The following GALNTL6 variants were observed in gnomAD, a reference collection of about 807,000 sequenced individuals.
The protein encoded by GALNTL6 is polypeptide N-acetylgalactosaminyltransferase-like 6.
In GALNTL6, 46 loss-of-function variants were observed where a neutral mutation model predicts 73.7. The observed-to-expected ratio is 0.62, with a 90% CI of 0.49 to 0.80. The LOEUF (loss-of-function observed/expected upper bound fraction) is 0.80. Among genes scored for constraint, GALNTL6 ranks in the 30% least tolerant of loss-of-function variants. The pLI, the probability that GALNTL6 is intolerant of heterozygous loss-of-function variation, is 0.00. For synonymous variants in GALNTL6, 259 were observed against 263.7 expected (o/e 0.98, Z 0.17); for missense variants, 604 against 755.0 (o/e 0.80, Z 2.34).
chr4:172,298,231 C>T (rs537210135), intron 3 of GALNTL6, among the ~76,000 whole-genome samples: 102 of 152,224 alleles, frequency 6.7e-4, no homozygotes, highest in African/African-American at 2.3e-3. Context: ...TGATGTTGCT[C>T]ATCAGCTTAA....
chr4:172,995,196 A>G (rs79026248), intron 10 of GALNTL6, among the ~76,000 whole-genome samples: 7,281 of 152,300 alleles, frequency 0.048, 261 homozygotes, highest in African/African-American at 0.092. Context: ...ATAGCACTCT[A>G]GAAAAAAAAT....
At chr4:172,626,371 T>C (rs962942845) in intron 5 of GALNTL6, among the ~76,000 whole-genome samples, 6 of 152,042 alleles carry the variant, frequency 3.9e-5, no homozygotes, top group African/African-American at 1.4e-4. Context: ...GTCTCATTGG[T>C]CTGTGTGTCT....
At chr4:172,463,787 T>G (rs1164351951) in intron 5 of GALNTL6, among the ~76,000 whole-genome samples, 2 of 152,212 alleles carry the variant, frequency 1.3e-5, no homozygotes. Context: ...ACCCTTTTCA[T>G]ATGCAAGCAA....
intron 7 of GALNTL6, among the ~76,000 whole-genome samples, chr4:172,864,877 G>T (rs1225807623): frequency 6.6e-6 from 1 of 152,028 alleles, no homozygotes; most frequent in Non-Finnish European, 1.5e-5. Flanking sequence ...ATTTTGGAAG[G>T]GGACAGGTGT....
At chr4:172,105,555 A>G (rs1732652489) in intron 2 of GALNTL6, among the ~76,000 whole-genome samples, 1 of 152,078 alleles carries the variant, frequency 6.6e-6, no homozygotes, top group African/African-American at 2.4e-5. Flanking sequence ...TTATGGTGAA[A>G]TTGCATTGCA....
intron 5 of GALNTL6, among the ~76,000 whole-genome samples, chr4:172,477,565 G>C (rs1385154976): frequency 2.0e-5 from 3 of 152,138 alleles, no homozygotes; most frequent in Non-Finnish European, 4.4e-5. Context: ...CACATGGTAA[G>C]ATGGTAAAAG....
intron 7 of GALNTL6, among the ~76,000 whole-genome samples, chr4:172,817,814 C>T (rs1349332332): frequency 6.6e-6 from 1 of 152,154 alleles, no homozygotes; most frequent in Non-Finnish European, 1.5e-5. Flanking sequence ...AAATTTCCTA[C>T]CTCAAAAGAT....
At chr4:172,286,704 TG>T (rs370544404) in intron 3 of GALNTL6, among the ~76,000 whole-genome samples, 5 of 152,152 alleles carry the variant, frequency 3.3e-5, no homozygotes, top group African/African-American at 9.6e-5. Context: ...CGATGGTGGT[TG>T]GGGGAGGACG....
chr4:172,729,912 A>T (rs985746264), intron 5 of GALNTL6, among the ~76,000 whole-genome samples: 2 of 151,866 alleles, frequency 1.3e-5, no homozygotes, highest in African/African-American at 4.8e-5. Flanking sequence ...TTCTTTTATC[A>T]GTATTTTGTA....
chr4:172,229,828 A>T (rs1736992641), intron 3 of GALNTL6, 64 bp downstream of exon 3: 1 of 946,644 alleles, frequency 1.1e-6, no homozygotes. Context: ...TTGTCACGTA[A>T]AGGATCTCTA....
intron 5 of GALNTL6, among the ~76,000 whole-genome samples, chr4:172,773,273 T>G (rs1413339187): frequency 6.6e-6 from 1 of 152,082 alleles, no homozygotes; most frequent in Non-Finnish European, 1.5e-5. Flanking sequence ...GATCATAGCG[T>G]CCTGCAGACT....
At chr4:172,283,541 G>A (rs1739137090) in intron 3 of GALNTL6, among the ~76,000 whole-genome samples, 1 of 152,090 alleles carries the variant, frequency 6.6e-6, no homozygotes, top group African/African-American at 2.4e-5. Context: ...ACAGAAGGAT[G>A]CTAAATTAGT....
At chr4:171,822,671 A>C (rs532683956) in intron 2 of GALNTL6, among the ~76,000 whole-genome samples, 6 of 152,292 alleles carry the variant, frequency 3.9e-5, no homozygotes, top group Admixed American at 1.3e-4. Context: ...TTTTTCTTTT[A>C]TTGTTGATAC....
At chr4:173,015,321 AACAG>A (rs1308590572) in intron 11 of GALNTL6, among the ~76,000 whole-genome samples, 1 of 152,226 alleles carries the variant, frequency 6.6e-6, no homozygotes, top group East Asian at 1.9e-4. Flanking sequence ...GGAACTGGGT[AACAG>A]ACAGAGGTTG....
intron 5 of GALNTL6, among the ~76,000 whole-genome samples, chr4:172,521,636 A>G (rs1205122586): frequency 1.2e-4 from 18 of 152,198 alleles, no homozygotes; most frequent in Admixed American, 1.2e-3. Flanking sequence ...GGATAATATC[A>G]TGTAATTTTA....
intron 5 of GALNTL6, among the ~76,000 whole-genome samples, chr4:172,350,322 A>T (rs1741899024): frequency 6.6e-6 from 1 of 152,184 alleles, no homozygotes; most frequent in South Asian, 2.1e-4. Context: ...TATTTCTCAG[A>T]GGTATTTTTC....
intron 5 of GALNTL6, among the ~76,000 whole-genome samples, chr4:172,365,791 T>G (rs1182340109): frequency 1.3e-5 from 2 of 152,030 alleles, no homozygotes; most frequent in South Asian, 2.1e-4. Context: ...TAGAGTTCTG[T>G]TAATTTGGTA....
intron 10 of GALNTL6, among the ~76,000 whole-genome samples, chr4:172,979,382 A>G (rs1750976661): frequency 6.6e-6 from 1 of 152,228 alleles, no homozygotes; most frequent in African/African-American, 2.4e-5. Flanking sequence ...TTTACCAGAA[A>G]ATATTCTGGA....
rs546059185 is a variant in GALNTL6, at chr4:172,711,815, A to G, written c.554-97546A>G. ...ACATATGGTCTTAAAGTCTATTAAC[A>G]TAGATGAATTTACCAAAGGATGAGT... On this transcript the variant is annotated intron_variant, in intron 5 of 12. Coordinates refer to ENST00000506823, the MANE Select transcript of GALNTL6 (RefSeq NM_001034845.3). 7.9e-5 allele frequency among the ~76,000 whole-genome samples: 12 copies of G among 152,314 alleles called. No individual in the cohort carries two copies. In the East Asian group the frequency reaches 2.3e-3, roughly 29 times the overall value.
Sources: gnomAD v4.1 joint callset for allele counts (sites outside exome capture counted in the v4.1 genomes callset) on GRCh38, gnomAD v4.1.1 for gene constraint, MANE v1.5 for transcripts, NCBI Gene and HGNC (gene_info 2026-07-23, HGNC 2026-07-21) for gene names.